Variants in PITPNA observed in about 807,000 individuals in gnomAD.
PITPNA encodes phosphatidylinositol transfer protein alpha.
In PITPNA, 13 loss-of-function variants were observed where a neutral mutation model predicts 50.3. The observed-to-expected ratio is 0.26, with a 90% CI of 0.17 to 0.41. PITPNA has a LOEUF of 0.41. PITPNA is among the 10% of genes least tolerant of loss of function. The probability of loss-of-function intolerance (pLI) is 1.00; values close to 1 mark genes in which losing one functional copy is unlikely to be tolerated. For synonymous variants in PITPNA, 120 were observed against 119.6 expected (o/e 1.00, Z -0.02); for missense variants, 207 against 333.4 (o/e 0.62, Z 2.95).
intron 10 of PITPNA, among the ~76,000 whole-genome samples, chr17:1,523,207 A>G (rs906992105): frequency 2.0e-5 from 3 of 152,250 alleles, no homozygotes; most frequent in Non-Finnish European, 2.9e-5. Flanking sequence ...TTCTGATTTG[A>G]AAACTCCATT....
In PITPNA at chr17:1,518,824, C is replaced by T. The variant is rs771925347; in HGVS notation, c.*1737G>A. On this transcript the variant is annotated 3_prime_UTR_variant, in exon 12 of 12. Coordinates refer to ENST00000313486, the MANE Select transcript of PITPNA (RefSeq NM_006224.4). ...CACAGAGCTTATAGGAAAACACTGA[C>T]ATTTTTCTCCAGTAGGAATGCCTCT... 6.6e-6 allele frequency: 1 copy of T among 152,246 alleles called. No individual in the cohort carries two copies. Among genetic ancestry groups the T allele is most frequent in the Admixed American group, 6.5e-5 (1 of 15,284 alleles). 9.4% of individuals were successfully genotyped at this position (152,246 alleles called of 1,614,324 possible).
At chr17:1,535,646 G>T (rs1033453261) in intron 7 of PITPNA, 128 bp from the exon 8 acceptor site, 2 of 697,132 alleles carry the variant, frequency 2.9e-6, no homozygotes, top group African/African-American at 3.5e-5. Context: ...GCAAATATGG[G>T]AAAATGTTAT....
At chr17:1,529,012 C>A (rs907128479) in intron 10 of PITPNA, among the ~76,000 whole-genome samples, 1 of 151,760 alleles carries the variant, frequency 6.6e-6, no homozygotes, top group Non-Finnish European at 1.5e-5. Flanking sequence ...GTGGCGCACA[C>A]CTGTAATCCC....
At chr17:1,526,602 T>C (rs560792923) in intron 10 of PITPNA, among the ~76,000 whole-genome samples, 1 of 152,348 alleles carries the variant, frequency 6.6e-6, no homozygotes, top group African/African-American at 2.4e-5. Flanking sequence ...TCCTTACACA[T>C]GCTGAGAGTT....
intron 10 of PITPNA, among the ~76,000 whole-genome samples, chr17:1,524,902 G>A (rs1198269036): frequency 1.3e-5 from 2 of 152,082 alleles, no homozygotes; most frequent in Non-Finnish European, 2.9e-5. Context: ...AGTGCCTGAC[G>A]TGGAGTATGC....
At chr17:1,540,163 G>C (rs542217587) in intron 6 of PITPNA, among the ~76,000 whole-genome samples, 38 of 151,834 alleles carry the variant, frequency 2.5e-4, no homozygotes, top group African/African-American at 8.0e-4. Context: ...TAGAGATGGT[G>C]TCTGTTTAGC....
rs1459865997 is a variant in PITPNA, at chr17:1,519,007, C to A, written c.*1554G>T. ...GACCTCAATGAAGGTCAGCGCTAAC[C>A]ATGCTGGGGGTCTGAGTCTGTCCAC... On this transcript the variant is annotated 3_prime_UTR_variant, in exon 12 of 12. Coordinates refer to ENST00000313486, the MANE Select transcript of PITPNA (RefSeq NM_006224.4). The A allele has an allele frequency of 6.6e-6, 1 of 152,276 alleles. No individual in the cohort carries two copies. The highest frequency in any genetic ancestry group is 1.5e-5 in the Non-Finnish European group (1 of 68,058). The allele number at this position is 152,276 out of a possible 1,614,324, so 9.4% of individuals were successfully genotyped here. A position where few individuals can be genotyped will look rare whatever the true frequency, so the allele number is the denominator to read the frequency against.
Position 1,543,001 on chromosome 17 carries a change from C to A in PITPNA, c.297+19G>T, listed in dbSNP as rs759434662. The A allele has an allele frequency of 1.9e-6, 3 of 1,576,132 alleles. No homozygotes were observed. Among genetic ancestry groups the A allele is most frequent in the South Asian group, 1.1e-5 (1 of 89,644 alleles). On this transcript the variant is annotated intron_variant, in intron 5 of 11. Transcript: ENST00000313486. ...TCTTATACATCATCTACAGTTCCAA[C>A]CCCCTTGACAATACTTACTGTAATA... is the stretch of plus-strand genomic sequence containing the variant.
At chr17:1,549,552 A>G (rs2151011868) in intron 3 of PITPNA, among the ~76,000 whole-genome samples, 1 of 121,540 alleles carries the variant, frequency 8.2e-6, no homozygotes, top group East Asian at 4.1e-4. Flanking sequence ...TCCTGAGCTC[A>G]TGATCTGCCC....
chr17:1,537,265 A>G (rs1017825089), intron 7 of PITPNA, among the ~76,000 whole-genome samples: 1 of 152,036 alleles, frequency 6.6e-6, no homozygotes, highest in Non-Finnish European at 1.5e-5. Flanking sequence ...GGGTTTCACC[A>G]TGTTGGCCAG....
At chr17:1,555,929 T>C (rs2075732884) in intron 2 of PITPNA, among the ~76,000 whole-genome samples, 1 of 152,172 alleles carries the variant, frequency 6.6e-6, no homozygotes, top group Admixed American at 6.5e-5. Context: ...GCCCCCAAAA[T>C]ATTGATGCAG....
chr17:1,534,366 A>C (rs1598406298), intron 9 of PITPNA, 145 bp from the exon 10 acceptor site: 6 of 918,426 alleles, frequency 6.5e-6, no homozygotes. Flanking sequence ...GGTTATCTGG[A>C]CCAGCCATGG....
At position 1,553,056 on chromosome 17, in the gene PITPNA, C is replaced by T. The variant is rs1466082369; in HGVS notation, c.145G>A (p.Glu49Lys). Residue 49 changes from glutamate to lysine, a missense_variant, in exon 3 of 12, where the codon GAG (glutamate) becomes AAG (lysine). Transcript: ENST00000313486. ...TACTGGCCTTTCTCACCGTCCTTCT[C>T]GTAGGGCTCATTCACCAGGACCTCC... ...GVEVLVNEPYEKDGEKGQYTH... is the reference protein window; with the variant it reads ...GVEVLVNEPYKKDGEKGQYTH... The T allele has an allele frequency of 5.0e-6, 8 of 1,613,862 alleles. No homozygotes were observed. Among genetic ancestry groups the T allele is most frequent in the Non-Finnish European group, 6.8e-6 (8 of 1,179,882 alleles).
chr17:1,523,114 G>A (rs1269339497), intron 10 of PITPNA, among the ~76,000 whole-genome samples: 1 of 151,912 alleles, frequency 6.6e-6, no homozygotes, highest in Non-Finnish European at 1.5e-5. Context: ...GGCTTCTGTG[G>A]AAGCACCAAG....
chr17:1,526,153 C>T (rs1379355295), intron 10 of PITPNA, among the ~76,000 whole-genome samples: 1 of 152,220 alleles, frequency 6.6e-6, no homozygotes, highest in South Asian at 2.1e-4. Flanking sequence ...CAGAAAGACA[C>T]AGAATAGGAT....
intron 5 of PITPNA, among the ~76,000 whole-genome samples, chr17:1,542,259 C>T (rs2075651912): frequency 1.3e-5 from 2 of 151,892 alleles, no homozygotes; most frequent in African/African-American, 4.8e-5. Flanking sequence ...ACAGTTTCGT[C>T]TGACTTCAGA....
intron 9 of PITPNA, among the ~76,000 whole-genome samples, chr17:1,534,953 C>G (rs1179659996): frequency 6.6e-6 from 1 of 152,208 alleles, no homozygotes; most frequent in Non-Finnish European, 1.5e-5. Flanking sequence ...GCTGGGCCAT[C>G]TTCTTCACTG....
rs889443570 is a variant in PITPNA at position 1,562,571 on chromosome 17, G to A, written c.-11C>T. 5 of 1,316,520 alleles carry A rather than the reference G, an allele frequency of 3.8e-6. No homozygotes were observed. Among genetic ancestry groups the A allele is most frequent in the Non-Finnish European group, 3.9e-6 (4 of 1,024,340 alleles). The allele number at this position is 1,316,520 out of a possible 1,614,324, so 81.6% of individuals were successfully genotyped here. Reference sequence around the variant, plus strand: ...CTTGAGCAGCACCATGTCGCTTCGCGGCTCGGTGGCTGCCCGCGGCCCGCC... The same window carrying A: ...CTTGAGCAGCACCATGTCGCTTCGCAGCTCGGTGGCTGCCCGCGGCCCGCC... On this transcript the variant is annotated 5_prime_UTR_variant, in exon 1 of 12. Transcript: ENST00000313486. The surrounding 1 kb of genome is among the most constrained non-coding windows in gnomAD (Gnocchi z 6.4).
intron 2 of PITPNA, 52 bp from the exon 3 acceptor site, chr17:1,553,201 A>G (rs1358347724): frequency 1.3e-6 from 2 of 1,597,274 alleles, no homozygotes; most frequent in African/African-American, 2.7e-5. Context: ...CTCAACGGTT[A>G]CACGTAATCC....
Sources: allele counts gnomAD v4.1 joint callset (sites outside exome capture counted in the v4.1 genomes callset), GRCh38; gene constraint gnomAD v4.1.1; non-coding constraint Gnocchi (gnomAD v3.1); transcripts MANE v1.5; gene names NCBI Gene and HGNC (gene_info 2026-07-23, HGNC 2026-07-21).